The following ABCC4 variants were observed in gnomAD, a reference collection of about 807,000 sequenced individuals.
ABCC4 encodes the protein ATP-binding cassette sub-family C member 4.
A neutral mutation model predicts 168.5 loss-of-function variants in ABCC4; 102 were observed. The observed-to-expected ratio is 0.61, with a 90% confidence interval of 0.52 to 0.71. The LOEUF is 0.71. ABCC4 is among the 30% of genes least tolerant of loss of function. The pLI, the probability that ABCC4 is intolerant of heterozygous loss-of-function variation, is 0.00. For missense variants in ABCC4, 1,402 were observed against 1,605.8 expected (o/e 0.87, Z 2.17); for synonymous variants, 617 against 590.7 (o/e 1.04, Z -0.65).
At chr13:95,204,852 A>G (rs2038734841) in intron 8 of ABCC4, among the ~76,000 whole-genome samples, 1 of 152,170 alleles carries the variant, frequency 6.6e-6, no homozygotes, top group South Asian at 2.1e-4. Flanking sequence ...GGATAACATG[A>G]AATAACATGT....
At chr13:95,283,215 C>CAAAA (rs1262067135) in intron 1 of ABCC4, among the ~76,000 whole-genome samples, 1 of 101,044 alleles carries the variant, frequency 9.9e-6, no homozygotes, top group African/African-American at 3.5e-5. Flanking sequence ...GACTCCAACT[C>CAAAA]AAAAAAAAAA....
At position 95,281,935 on chromosome 13, in the gene ABCC4, C is replaced by G. The variant is rs867424385; in HGVS notation, c.74+19306G>C. On this transcript the variant is annotated intron_variant, in intron 1 of 30. Coordinates refer to ENST00000645237, the MANE Select transcript of ABCC4 (RefSeq NM_005845.5). The stretch of plus-strand genomic sequence containing the variant: ...CAGGCTGGCCAACATGGCAAAACCC[C>G]GTCTCTACTAAAAATACAAAAATTA... Among the ~76,000 whole-genome samples, 14 of 152,156 alleles carry G rather than the reference C, an allele frequency of 9.2e-5. No individual in the cohort carries two copies. The South Asian group carries it at 2.5e-3, about 27-fold the overall frequency.
chr13:95,277,450 G>A (rs1461266738), intron 1 of ABCC4, among the ~76,000 whole-genome samples: 1 of 151,918 alleles, frequency 6.6e-6, no homozygotes, highest in African/African-American at 2.4e-5. Flanking sequence ...GCATGGTGGC[G>A]GGCGCCTGTA....
At chr13:95,055,938 T>C (rs1319442129) in intron 26 of ABCC4, 1 of 150,752 alleles carries the variant, frequency 6.6e-6, no homozygotes, top group Non-Finnish European at 1.5e-5. Flanking sequence ...AAATGGCCGC[T>C]CTGAATCAAA....
chr13:95,233,913 A>G (rs2039691309), intron 4 of ABCC4, among the ~76,000 whole-genome samples: 1 of 152,196 alleles, frequency 6.6e-6, no homozygotes, highest in African/African-American at 2.4e-5. Flanking sequence ...AACAATCAAC[A>G]ATTCAAAGTG....
chr13:95,028,730 A>G (rs9524771), intron 30 of ABCC4, among the ~76,000 whole-genome samples: 130,297 of 152,138 alleles, frequency 0.86, 55,900 homozygotes, highest in East Asian at 0.99. Flanking sequence ...GATCAACTGG[A>G]AAACAGAATA....
chr13:95,225,403 C>T (rs2039435807), intron 4 of ABCC4, among the ~76,000 whole-genome samples: 1 of 152,202 alleles, frequency 6.6e-6, no homozygotes, highest in South Asian at 2.1e-4. Flanking sequence ...GGCACAGTGG[C>T]TCACTCCTGT....
chr13:95,275,169 T>C (rs1322801043), intron 1 of ABCC4, among the ~76,000 whole-genome samples: 2 of 152,202 alleles, frequency 1.3e-5, no homozygotes, highest in Admixed American at 1.3e-4. Flanking sequence ...CAGGCCTACA[T>C]CACCCTATGA....
At chr13:95,215,740 A>G (rs1378228080) in intron 4 of ABCC4, among the ~76,000 whole-genome samples, 1 of 152,242 alleles carries the variant, frequency 6.6e-6, no homozygotes, top group East Asian at 1.9e-4. Context: ...CTAAATAAGC[A>G]TGTGTCAAAG....
At chr13:95,268,817 T>C (rs1032305099) in intron 1 of ABCC4, among the ~76,000 whole-genome samples, 1 of 152,130 alleles carries the variant, frequency 6.6e-6, no homozygotes, top group South Asian at 2.1e-4. Flanking sequence ...CAATAAATAC[T>C]GAGGGAACTC....
intron 20 of ABCC4, among the ~76,000 whole-genome samples, chr13:95,100,367 A>G (rs1431468151): frequency 6.6e-6 from 1 of 152,202 alleles, no homozygotes. Context: ...CCAGCCTGGG[A>G]AGCCTGGGAG....
intron 26 of ABCC4, among the ~76,000 whole-genome samples, chr13:95,059,498 C>T (rs1357470567): frequency 6.6e-6 from 1 of 152,180 alleles, no homozygotes; most frequent in Non-Finnish European, 1.5e-5. Context: ...TCGCGAAATG[C>T]AAAGCATTAG....
At chr13:95,251,792 C>T (rs1426848674) in intron 1 of ABCC4, among the ~76,000 whole-genome samples, 3 of 152,204 alleles carry the variant, frequency 2.0e-5, no homozygotes, top group African/African-American at 4.8e-5. Flanking sequence ...AAGGAGTTCA[C>T]TTGTGTCTCT....
At chr13:95,065,479 ATAT>A (rs2033497067) in intron 25 of ABCC4, among the ~76,000 whole-genome samples, 1 of 152,228 alleles carries the variant, frequency 6.6e-6, no homozygotes, top group Non-Finnish European at 1.5e-5. Flanking sequence ...TATGCACAGA[ATAT>A]TATAATCTAT....
chr13:95,049,502 A>G (rs925928086), intron 27 of ABCC4, among the ~76,000 whole-genome samples: 4 of 151,898 alleles, frequency 2.6e-5, no homozygotes, highest in Non-Finnish European at 4.4e-5. Context: ...AGTAGCCGGC[A>G]TGGTGGCAGG....
chr13:95,227,633 A>T (rs960444034), intron 4 of ABCC4, among the ~76,000 whole-genome samples: 1 of 152,252 alleles, frequency 6.6e-6, no homozygotes, highest in African/African-American at 2.4e-5. Context: ...ACCGATCTAC[A>T]GACTAATAGA....
chr13:95,109,786 T>A (rs956568991), intron 20 of ABCC4, among the ~76,000 whole-genome samples: 3 of 152,188 alleles, frequency 2.0e-5, no homozygotes, highest in Non-Finnish European at 4.4e-5. Flanking sequence ...GCTTTCTATC[T>A]GTCCCTCCCA....
chr13:95,238,306 A>T (rs1487079351), intron 3 of ABCC4, among the ~76,000 whole-genome samples: 1 of 152,098 alleles, frequency 6.6e-6, no homozygotes, highest in Non-Finnish European at 1.5e-5. Context: ...AATAACCATT[A>T]AGACTCCAGA....
At chr13:95,240,192 C>T (rs2039894286) in intron 3 of ABCC4, among the ~76,000 whole-genome samples, 1 of 152,184 alleles carries the variant, frequency 6.6e-6, no homozygotes, top group Non-Finnish European at 1.5e-5. Flanking sequence ...ATGCAATGAG[C>T]CCAATCTAGA....
Sources: gnomAD v4.1 joint callset for allele counts (sites outside exome capture counted in the v4.1 genomes callset) on GRCh38, gnomAD v4.1.1 for gene constraint, MANE v1.5 for transcripts, NCBI Gene and HGNC (gene_info 2026-07-23, HGNC 2026-07-21) for gene names.